The following KALRN variants were observed in gnomAD, a reference collection of about 807,000 sequenced individuals.
KALRN encodes the protein kalirin.
KALRN carries 70 observed loss-of-function variants against 353.7 expected under a neutral mutation model. That is an observed-to-expected ratio of 0.20 (90% CI 0.16 to 0.24). The LOEUF is 0.24. Ranked by LOEUF, KALRN falls within the 10% of genes least tolerant of loss-of-function variation. KALRN has a pLI of 1.00. For missense variants in KALRN, 2,791 were observed against 3,756.7 expected, an observed-to-expected ratio of 0.74 and a Z score of 6.72; for synonymous variants, 1,391 against 1,434.8, an observed-to-expected ratio of 0.97 and a Z score of 0.69.
chr3:124,392,237 A>T (rs559774034), intron 11 of KALRN, among the ~76,000 whole-genome samples: 54 of 151,992 alleles, frequency 3.6e-4, no homozygotes, highest in African/African-American at 1.1e-3. Flanking sequence ...TTTTAAAAAA[A>T]TTTTTTTATA....
rs537889061 is a variant in KALRN at position 124,036,350 on chromosome 3, G to C, written c.73+2537G>C. 4.3e-4 allele frequency among the ~76,000 whole-genome samples: 65 copies of C among 152,118 alleles called. No individual in the cohort carries two copies. In the South Asian group the frequency reaches 6.7e-3, roughly 16 times the overall value. On this transcript the variant is annotated intron_variant, in intron 1 of 59. Transcript: ENST00000682506. ...TTTGTTCCTGCGTTAGTTTGCTTAA[G>C]ATAACAGCCTCCACCTCCATCCATG...
chr3:124,043,720 G>A (rs922772881), intron 1 of KALRN, among the ~76,000 whole-genome samples: 1 of 152,132 alleles, frequency 6.6e-6, no homozygotes, highest in Non-Finnish European at 1.5e-5. Context: ...GAAGGCTCTT[G>A]GGCAGAGAAG....
chr3:124,659,518 C>A, intron 43 of KALRN, 61 bp downstream of exon 43: 2 of 1,138,606 alleles, frequency 1.8e-6, no homozygotes, highest in South Asian at 1.2e-5. Context: ...AGAGCAGGTT[C>A]TGAGCTAGGG....
At chr3:124,605,243 G>A (rs1026505783) in intron 34 of KALRN, among the ~76,000 whole-genome samples, 3 of 151,796 alleles carry the variant, frequency 2.0e-5, no homozygotes, top group African/African-American at 7.3e-5. Flanking sequence ...AGCACATCTG[G>A]CCTAAATTCC....
At chr3:124,503,353 A>G (rs2064826723) in intron 33 of KALRN, among the ~76,000 whole-genome samples, 1 of 152,188 alleles carries the variant, frequency 6.6e-6, no homozygotes, top group South Asian at 2.1e-4. Flanking sequence ...GAATTGCTGT[A>G]TAAATCCGAT....
chr3:124,064,634 G>T (rs2042211844), intron 1 of KALRN, among the ~76,000 whole-genome samples: 1 of 152,158 alleles, frequency 6.6e-6, no homozygotes, highest in South Asian at 2.1e-4. Flanking sequence ...TTTTGAGAGG[G>T]TGCCCAAAGG....
At chr3:124,486,605 C>T (rs1207301718) in intron 28 of KALRN, among the ~76,000 whole-genome samples, 2 of 152,132 alleles carry the variant, frequency 1.3e-5, no homozygotes, top group African/African-American at 4.8e-5. Context: ...CAAACCCTCA[C>T]TAATTAGATA....
chr3:124,682,653 C>G (rs1397730676), intron 51 of KALRN, among the ~76,000 whole-genome samples: 1 of 152,218 alleles, frequency 6.6e-6, no homozygotes, highest in South Asian at 2.1e-4. Context: ...TACTTACACA[C>G]TGGCTGCTTG....
intron 1 of KALRN, among the ~76,000 whole-genome samples, chr3:124,075,964 C>T (rs2060239905): frequency 6.6e-6 from 1 of 152,204 alleles, no homozygotes; most frequent in Admixed American, 6.5e-5. Flanking sequence ...GGTCGCCAGC[C>T]TTGTGAGTAT....
intron 34 of KALRN, among the ~76,000 whole-genome samples, chr3:124,600,964 T>C (rs1339907951): frequency 6.6e-6 from 1 of 152,246 alleles, no homozygotes; most frequent in Admixed American, 6.5e-5. Flanking sequence ...GTTGGCCCTC[T>C]TGTGCTCATG....
chr3:124,650,238 A>G (rs923366196), intron 37 of KALRN, among the ~76,000 whole-genome samples: 8 of 152,214 alleles, frequency 5.3e-5, no homozygotes, highest in Non-Finnish European at 1.0e-4. Context: ...AAACCCCATC[A>G]TCATAGGACA....
chr3:124,702,712 G>T (rs911776613), intron 57 of KALRN, among the ~76,000 whole-genome samples: 3 of 151,940 alleles, frequency 2.0e-5, no homozygotes, highest in Non-Finnish European at 1.5e-5. Context: ...TCTCTATATT[G>T]CCCGTGTACC....
At chr3:124,306,911 A>G (rs1580762139) in intron 6 of KALRN, among the ~76,000 whole-genome samples, 2 of 152,196 alleles carry the variant, frequency 1.3e-5, no homozygotes, top group African/African-American at 2.4e-5. Context: ...CTATCATTCA[A>G]AAATCAAGGT....
intron 9 of KALRN, among the ~76,000 whole-genome samples, chr3:124,345,063 A>C (rs1219704210): frequency 2.0e-5 from 3 of 152,210 alleles, no homozygotes; most frequent in African/African-American, 7.2e-5. Context: ...AACAAAACTC[A>C]TGAAAACATT....
At chr3:124,189,965 G>T (rs997147607) in intron 1 of KALRN, among the ~76,000 whole-genome samples, 2 of 147,436 alleles carry the variant, frequency 1.4e-5, no homozygotes, top group African/African-American at 5.0e-5. Context: ...CAACATAGAA[G>T]CGAGAATTTA....
chr3:124,543,236 C>G (rs2069235176), intron 33 of KALRN, among the ~76,000 whole-genome samples: 1 of 151,838 alleles, frequency 6.6e-6, no homozygotes, highest in Non-Finnish European at 1.5e-5. Context: ...AGCCCACACT[C>G]AAGTAGAGGA....
chr3:124,145,449 G>C (rs1425715276), intron 1 of KALRN, among the ~76,000 whole-genome samples: 6 of 152,216 alleles, frequency 3.9e-5, no homozygotes, highest in Non-Finnish European at 8.8e-5. Context: ...AGAGTTCCCT[G>C]AGTGATTTCA....
intron 1 of KALRN, among the ~76,000 whole-genome samples, chr3:124,195,272 G>T (rs2075317380): frequency 6.6e-6 from 1 of 152,178 alleles, no homozygotes; most frequent in African/African-American, 2.4e-5. Flanking sequence ...TCCTTCCACA[G>T]ATGAACTTAC....
chr3:124,165,477 TC>T (rs1269734964), intron 1 of KALRN, among the ~76,000 whole-genome samples: 1 of 152,032 alleles, frequency 6.6e-6, no homozygotes, highest in African/African-American at 2.4e-5. Context: ...TATGCATGGT[TC>T]CCATGCATGG....
Sources: gnomAD v4.1 joint callset for allele counts (sites outside exome capture counted in the v4.1 genomes callset) on GRCh38, gnomAD v4.1.1 for gene constraint, MANE v1.5 for transcripts, NCBI Gene and HGNC (gene_info 2026-07-23, HGNC 2026-07-21) for gene names.